Variants in PRKDC observed in about 807,000 individuals in gnomAD.
The protein encoded by PRKDC is DNA-dependent protein kinase catalytic subunit.
Under a neutral mutation model 486.9 loss-of-function variants are expected in PRKDC, and 82 were observed. That is an observed-to-expected ratio of 0.17 (90% confidence interval 0.14 to 0.20). The LOEUF (loss-of-function observed/expected upper bound fraction) is 0.20, where lower values mean the gene tolerates loss of function less well. Ranked by LOEUF, PRKDC falls within the 10% of genes least tolerant of loss-of-function variation. The pLI is 1.00. For synonymous variants in PRKDC, 1,895 were observed against 1,837.0 expected, an observed-to-expected ratio of 1.03 and a Z score of -0.81; for missense variants, 4,504 against 5,038.2, an observed-to-expected ratio of 0.89 and a Z score of 3.21.
chr8:47,873,358 G>C lies in PRKDC; in HGVS notation c.5363+4366C>G, dbSNP rs141168586. On this transcript the variant is annotated intron_variant, in intron 40 of 85. Coordinates refer to ENST00000314191, the MANE Select transcript of PRKDC (RefSeq NM_006904.7). ...TCAAGATAAGCCTGGCCAACATGGT[G>C]AAAACCCATCTCTACTAAACATACA... Among the ~76,000 whole-genome samples, 937 of 151,924 alleles carry C rather than the reference G, an allele frequency of 6.2e-3. 12 individuals carry two copies. The highest frequency in any genetic ancestry group is 0.022 in the African/African-American group (907 of 41,448).
intron 70 of PRKDC, among the ~76,000 whole-genome samples, 200 bp from the exon 71 acceptor site, chr8:47,801,186 C>G: frequency 6.6e-6 from 1 of 152,182 alleles, no homozygotes; most frequent in Non-Finnish European, 1.5e-5. Flanking sequence ...ATCCTCCCAC[C>G]TCAACCTCCC....
In PRKDC at chr8:47,839,035, G is replaced by A. The variant is rs1014600923; in HGVS notation, c.7553+113C>T. 9 of 765,770 alleles carry A rather than the reference G, an allele frequency of 1.2e-5. No individual in the cohort carries two copies. In the African/African-American group the frequency reaches 1.2e-4, roughly 10 times the overall value. The allele number at this position is 765,770 out of a possible 1,614,324, so 47.4% of individuals were successfully genotyped here. A position where few individuals can be genotyped will look rare whatever the true frequency, so the allele number is the denominator to read the frequency against. On this transcript the variant is annotated intron_variant, in intron 56 of 85. Coordinates refer to ENST00000314191, the MANE Select transcript of PRKDC (RefSeq NM_006904.7). ...TAAATATTGTGAAATGCAGAAAGCA[G>A]AGAAAATGCTAATACTGCAAATACA... is the stretch of plus-strand genomic sequence containing the variant.
Position 47,793,683 on chromosome 8 carries a change from TAAAAA to T in PRKDC, c.10670+602_10670+606del, listed in dbSNP as rs397892514. Among the ~76,000 whole-genome samples the T allele has an allele frequency of 1.4e-3, 105 of 72,804 alleles. 1 individual carries two copies. The East Asian group carries it at 0.037, about 25-fold the overall frequency. The allele number at this position is 72,804 out of a possible 152,430, so 47.8% of individuals were successfully genotyped here. On this transcript the variant is annotated intron_variant, in intron 74 of 85. Coordinates refer to ENST00000314191, the MANE Select transcript of PRKDC (RefSeq NM_006904.7). Reference sequence around the variant, plus strand: ...TAAAAATAAATTAATTTAAAAAAACTAAAAAAAAAAAAAAAAAAAAAGATGCCAGC... The same window carrying T: ...TAAAAATAAATTAATTTAAAAAAACTAAAAAAAAAAAAAAAAGATGCCAGC...
Position 47,831,919 on chromosome 8 carries a change from G to A in PRKDC, c.8160C>T (p.Ala2720=), listed in dbSNP as rs1164714168. The A allele has an allele frequency of 1.9e-6, 3 of 1,611,926 alleles. No homozygotes were observed. The highest frequency in any genetic ancestry group is 1.1e-5 in the South Asian group (1 of 90,978). The part of the protein sequence containing the change: ...DEVDNKVKGA[A]GRTDLLRLRR... ...GCAGTCGTAGTAGGTCCGTCCGGCC[G>A]GCCGCACCTGGAGAGGGAAAGCAGG... Residue 2720 remains alanine (A), a synonymous_variant, in exon 60 of 86, where the codon GCC becomes GCT. Coordinates refer to ENST00000314191, the MANE Select transcript of PRKDC (RefSeq NM_006904.7).
At chr8:47,888,092 G>A (rs540656974) in intron 34 of PRKDC, among the ~76,000 whole-genome samples, 3 of 152,020 alleles carry the variant, frequency 2.0e-5, no homozygotes, top group East Asian at 3.9e-4. Flanking sequence ...TGCCTGGGTC[G>A]GTCTCAAACT....
chr8:47,920,995 T>C (rs1473810635), intron 21 of PRKDC, among the ~76,000 whole-genome samples: 2 of 152,180 alleles, frequency 1.3e-5, no homozygotes, highest in Admixed American at 1.3e-4. Context: ...GGCTCACGCC[T>C]GTAATCCCAG....
At chr8:47,897,778 A>G (rs2089608642) in intron 29 of PRKDC, among the ~76,000 whole-genome samples, 1 of 152,256 alleles carries the variant, frequency 6.6e-6, no homozygotes, top group African/African-American at 2.4e-5. Flanking sequence ...CCAATGAACT[A>G]AACTGATATC....
intron 46 of PRKDC, among the ~76,000 whole-genome samples, chr8:47,859,262 C>T (rs1369917028): frequency 6.6e-6 from 1 of 152,182 alleles, no homozygotes; most frequent in Non-Finnish European, 1.5e-5. Context: ...ACACTGACCC[C>T]TGACCCCCAT....
chr8:47,839,278 T>C, intron 55 of PRKDC, 32 bp from the exon 56 acceptor site: 1 of 1,466,906 alleles, frequency 6.8e-7, no homozygotes, highest in East Asian at 2.3e-5. Flanking sequence ...TGTCACAACA[T>C]TAATGCTCTC....
At chr8:47,864,274 C>T (rs2154500789) in intron 41 of PRKDC, among the ~76,000 whole-genome samples, 1 of 152,288 alleles carries the variant, frequency 6.6e-6, no homozygotes, top group Non-Finnish European at 1.5e-5. Flanking sequence ...ACAGCTCTTC[C>T]CTGAGTTCCC....
At chr8:47,950,700 T>C (rs76393887) in intron 7 of PRKDC, among the ~76,000 whole-genome samples, 268 of 152,120 alleles carry the variant, frequency 1.8e-3, no homozygotes, top group Admixed American at 2.8e-3. Context: ...AAGAATTTCA[T>C]TGGCCAGGCG....
intron 25 of PRKDC, among the ~76,000 whole-genome samples, chr8:47,909,538 G>A (rs111452170): frequency 0.013 from 1,968 of 152,260 alleles, 41 homozygotes; most frequent in African/African-American, 0.045. Flanking sequence ...GAATAACAGC[G>A]ATTTTCAGGT....
chr8:47,918,899 A>C (rs2090030679), intron 21 of PRKDC, among the ~76,000 whole-genome samples: 1 of 152,190 alleles, frequency 6.6e-6, no homozygotes, highest in Admixed American at 6.5e-5. Context: ...TACTAAAACT[A>C]TTATGGTGAG....
intron 10 of PRKDC, among the ~76,000 whole-genome samples, chr8:47,940,298 A>G (rs896261938): frequency 6.6e-6 from 1 of 152,258 alleles, no homozygotes; most frequent in African/African-American, 2.4e-5. Flanking sequence ...CAAATAGATC[A>G]TTATTTACCA....
chr8:47,799,365 G>A lies in PRKDC; in HGVS notation c.10142C>T (p.Ala3381Val), dbSNP rs749202693. ...CACAGCCTCAGAGAGGTGCTGGAAT[G>A]CTCTCTGGTACAGACCCGCGATCAC... Reference protein sequence around the residue: ...EKVIAGLYQRAFQHLSEAVQA... With the variant: ...EKVIAGLYQRVFQHLSEAVQA... Residue 3381 changes from alanine to valine, a missense_variant, in exon 72 of 86, where the codon GCA becomes GTA. Around this residue, in one of 6 missense-constraint regions of PRKDC, gnomAD observed 706 missense variants for 945.0 expected, o/e 0.75. Coordinates refer to ENST00000314191, the MANE Select transcript of PRKDC (RefSeq NM_006904.7). The A allele has an allele frequency of 6.9e-6, 11 of 1,602,400 alleles. No homozygotes were observed. Among genetic ancestry groups the A allele is most frequent in the Non-Finnish European group, 9.3e-6 (11 of 1,176,792 alleles).
At position 47,893,355 on chromosome 8, in the gene PRKDC, C is replaced by T. The variant is rs1438382972; in HGVS notation, c.3631G>A (p.Val1211Ile). 1.9e-6 allele frequency: 3 copies of T among 1,549,196 alleles called. No individual in the cohort carries two copies. Among genetic ancestry groups the T allele is most frequent in the Non-Finnish European group, 2.6e-6 (3 of 1,140,366 alleles). ...AAAGAGACACCTTCTTCCTTGAGAA[C>T]ATCTTTCAGCCACAAATTAGGGGAT... ...NRSPNLWLKD[V>I]LKEEGVSFLI... Residue 1211 changes from valine to isoleucine, a missense_variant, in exon 31 of 86, where the codon GTT becomes ATT. Val to Ile is a conservative substitution (Grantham distance 29). Coordinates refer to ENST00000314191, the MANE Select transcript of PRKDC (RefSeq NM_006904.7).
At chr8:47,928,286 G>A (rs555191249) in intron 19 of PRKDC, among the ~76,000 whole-genome samples, 2 of 151,454 alleles carry the variant, frequency 1.3e-5, no homozygotes, top group African/African-American at 4.8e-5. Flanking sequence ...CAAGTAGGTG[G>A]GATTACAGGC....
chr8:47,913,174 T>G (rs1478615415), intron 24 of PRKDC, among the ~76,000 whole-genome samples: 2 of 152,170 alleles, frequency 1.3e-5, no homozygotes, highest in African/African-American at 2.4e-5. Flanking sequence ...ACCAAAAAAC[T>G]AGTGTGATTT....
At chr8:47,828,679 T>C (rs555285674) in intron 61 of PRKDC, among the ~76,000 whole-genome samples, 14 of 152,342 alleles carry the variant, frequency 9.2e-5, no homozygotes, top group Middle Eastern at 3.4e-3. Context: ...ACACATCACA[T>C]TGGGCTGCGG....
Sources: allele counts gnomAD v4.1 joint callset (sites outside exome capture counted in the v4.1 genomes callset), GRCh38; gene constraint gnomAD v4.1.1; regional missense constraint gnomAD v4.1.1; transcripts MANE v1.5; gene names NCBI Gene and HGNC (gene_info 2026-07-23, HGNC 2026-07-21).